Variants in CPEB3 observed in about 807,000 individuals in gnomAD.
CPEB3 encodes cytoplasmic polyadenylation element-binding protein 3.
Under a neutral mutation model 67.2 loss-of-function variants are expected in CPEB3, and 20 were observed. The ratio of observed to expected loss-of-function variants is 0.30; its 90% CI spans 0.21 to 0.43. The LOEUF is 0.43. Among genes scored for constraint, CPEB3 ranks in the 20% least tolerant of loss-of-function variants. The pLI is 1.00. For synonymous variants in CPEB3, 376 were observed against 393.1 expected (o/e 0.96, Z 0.51); for missense variants, 746 against 968.6 (o/e 0.77, Z 3.05).
intron 6 of CPEB3, chr10:92,136,751 G>A: frequency 6.6e-6 from 1 of 152,324 alleles, no homozygotes; most frequent in Non-Finnish European, 1.5e-5. Context: ...AGTAGAGATG[G>A]GGTTTCACCA....
chr10:92,269,038 C>G (rs1209856563), intron 1 of CPEB3, among the ~76,000 whole-genome samples: 1 of 152,156 alleles, frequency 6.6e-6, no homozygotes, highest in East Asian at 1.9e-4. Flanking sequence ...CTGGAATGAT[C>G]CCTCAGTCAC....
chr10:92,248,010 C>T (rs1181402748), intron 1 of CPEB3, among the ~76,000 whole-genome samples: 4 of 152,078 alleles, frequency 2.6e-5, no homozygotes, highest in African/African-American at 9.7e-5. Context: ...TTTGGAGTAG[C>T]CATTAAAGGC....
intron 4 of CPEB3, among the ~76,000 whole-genome samples, chr10:92,173,530 A>T (rs1848096606): frequency 6.6e-6 from 1 of 152,166 alleles, no homozygotes; most frequent in Admixed American, 6.5e-5. Flanking sequence ...CTATTTTCCC[A>T]AAGACACCGA....
At chr10:92,248,774 A>G (rs1564907268) in intron 1 of CPEB3, among the ~76,000 whole-genome samples, 1 of 152,166 alleles carries the variant, frequency 6.6e-6, no homozygotes, top group Non-Finnish European at 1.5e-5. Flanking sequence ...TTCCACAGAA[A>G]TTGTTTCTCC....
chr10:92,240,929 G>C (rs184127482), intron 1 of CPEB3, among the ~76,000 whole-genome samples: 1 of 152,172 alleles, frequency 6.6e-6, no homozygotes, highest in African/African-American at 2.4e-5. Flanking sequence ...GTTGGTAATT[G>C]TTTCATTTAG....
At chr10:92,072,773 G>A (rs928383815) in intron 9 of CPEB3, among the ~76,000 whole-genome samples, 62 of 152,294 alleles carry the variant, frequency 4.1e-4, no homozygotes, top group Non-Finnish European at 8.4e-4. Flanking sequence ...TAATGATCAT[G>A]CCTGTGACTG....
intron 4 of CPEB3, among the ~76,000 whole-genome samples, chr10:92,156,994 C>A (rs1001674699): frequency 3.3e-5 from 5 of 152,118 alleles, no homozygotes; most frequent in African/African-American, 1.2e-4. Context: ...CTTCATGACT[C>A]AACTACAAAG....
chr10:92,059,527 G>A lies in CPEB3; in HGVS notation c.1870-7088C>T, dbSNP rs118177998. On this transcript the variant is annotated intron_variant, in intron 9 of 9. Coordinates refer to ENST00000265997, the MANE Select transcript of CPEB3 (RefSeq NM_014912.5). ...TTATAGTGTAAGCCTACATCAAAAC[G>A]GGGAAAAAACTTCAAAAAAACAATC... Among the ~76,000 whole-genome samples the A allele has an allele frequency of 7.9e-5, 12 of 151,688 alleles. No homozygotes were observed. The East Asian group carries it at 2.1e-3, about 27-fold the overall frequency.
chr10:92,119,101 C>A, intron 6 of CPEB3: 1 of 1,585,476 alleles, frequency 6.3e-7, no homozygotes, highest in Non-Finnish European at 8.7e-7. Flanking sequence ...CCCAGCTATA[C>A]CAGTCTGGAG....
chr10:92,148,902 CTTT>C (rs35237832), intron 4 of CPEB3, among the ~76,000 whole-genome samples: 6 of 131,258 alleles, frequency 4.6e-5, no homozygotes, highest in Admixed American at 1.5e-4. Context: ...CTAATACTGG[CTTT>C]TTTTTTTTTT....
At chr10:92,149,784 C>T (rs1031103602) in intron 4 of CPEB3, among the ~76,000 whole-genome samples, 21 of 152,168 alleles carry the variant, frequency 1.4e-4, no homozygotes, top group African/African-American at 5.1e-4. Context: ...ACCCAACCCC[C>T]AGATCTACTA....
chr10:92,144,831 C>G, intron 5 of CPEB3, 114 bp downstream of exon 5: 1 of 846,964 alleles, frequency 1.2e-6, no homozygotes. Flanking sequence ...ATAGTCTCAC[C>G]TCCTATGCAC....
At chr10:92,157,674 T>C (rs1590261301) in intron 4 of CPEB3, among the ~76,000 whole-genome samples, 5 of 152,124 alleles carry the variant, frequency 3.3e-5, no homozygotes, top group Admixed American at 3.3e-4. Flanking sequence ...AGATCAAGAA[T>C]TGCCCTCCAA....
Position 92,240,061 on chromosome 10 carries a change from G to T in CPEB3, c.290C>A (p.Ala97Glu). The change falls in exon 2 of 10, where the codon GCG (alanine) becomes GAG (glutamate). Residue 97 changes from alanine (A) to glutamate (E), a missense_variant. Around this residue, in one of 2 missense-constraint regions of CPEB3, gnomAD observed 643 missense variants for 717.5 expected, o/e 0.90. Coordinates refer to ENST00000265997, the MANE Select transcript of CPEB3 (RefSeq NM_014912.5). ...PQQPPPPQEP[A>E]APGASLSPSF... ...CGGCGACAGCGACGCGCCCGGTGCCGCGGGCTCCTGAGGCGGCGGCGGCTG... is the reference window on the plus strand; with the variant it reads ...CGGCGACAGCGACGCGCCCGGTGCCTCGGGCTCCTGAGGCGGCGGCGGCTG... 6.3e-7 allele frequency: 1 copy of T among 1,592,910 alleles called. No homozygotes were observed. Among genetic ancestry groups the T allele is most frequent in the Non-Finnish European group, 8.6e-7 (1 of 1,169,568 alleles).
chr10:92,105,742 C>A (rs1028933768), intron 7 of CPEB3, among the ~76,000 whole-genome samples: 21 of 116,738 alleles, frequency 1.8e-4, no homozygotes, highest in African/African-American at 6.4e-4. Context: ...TTTTCTGAGA[C>A]TGAGTCCTGC....
chr10:92,172,428 T>C (rs1271278369), intron 4 of CPEB3, among the ~76,000 whole-genome samples: 1 of 152,186 alleles, frequency 6.6e-6, no homozygotes, highest in African/African-American at 2.4e-5. Context: ...ACACTGAACA[T>C]GTGTGGAAGT....
intron 1 of CPEB3, among the ~76,000 whole-genome samples, chr10:92,288,456 A>G (rs1037636404): frequency 1.5e-5 from 1 of 68,180 alleles, no homozygotes; most frequent in African/African-American, 6.7e-5. Context: ...CTCTGTCTCA[A>G]AAAAAAAAAA....
chr10:92,228,885 TG>T (rs1851120321), intron 2 of CPEB3, among the ~76,000 whole-genome samples: 1 of 150,356 alleles, frequency 6.7e-6, no homozygotes, highest in South Asian at 2.1e-4. Flanking sequence ...GGCTAATTTT[TG>T]TATTTTTAGT....
At chr10:92,241,946 C>T (rs1430147682) in intron 1 of CPEB3, among the ~76,000 whole-genome samples, 1 of 152,140 alleles carries the variant, frequency 6.6e-6, no homozygotes, top group East Asian at 1.9e-4. Flanking sequence ...GAATCTTTCT[C>T]AGGACACTTG....
Sources: allele counts gnomAD v4.1 joint callset (sites outside exome capture counted in the v4.1 genomes callset), GRCh38; gene constraint gnomAD v4.1.1; regional missense constraint gnomAD v4.1.1; transcripts MANE v1.5; gene names NCBI Gene and HGNC (gene_info 2026-07-23, HGNC 2026-07-21).